The following CMIP variants were observed in gnomAD, a reference collection of about 807,000 sequenced individuals.
CMIP encodes the protein C-Maf-inducing protein.
Under a neutral mutation model 97.3 loss-of-function variants are expected in CMIP, and 13 were observed. The observed-to-expected ratio is 0.13, with a 90% confidence interval of 0.09 to 0.21. The LOEUF (loss-of-function observed/expected upper bound fraction) is 0.21, where lower values mean the gene tolerates loss of function less well. Ranked by LOEUF, CMIP falls within the 10% of genes least tolerant of loss-of-function variation. CMIP has a pLI of 1.00. For synonymous variants in CMIP, 538 were observed against 436.3 expected (o/e 1.23, Z -2.91); for missense variants, 847 against 1,024.9 (o/e 0.83, Z 2.37).
At position 81,489,407 on chromosome 16, in the gene CMIP, CT is replaced by C. The variant is rs1003353930; in HGVS notation, c.300+43872del. ...AAAGGAGTACCACAATACACTGGTA[CT>C]TTTTTCTCCTCGGTAGTCAGAGCGT... On this transcript the variant is annotated intron_variant, in intron 1 of 20. Coordinates refer to ENST00000537098, the MANE Select transcript of CMIP (RefSeq NM_198390.3). 1.9e-3 allele frequency among the ~76,000 whole-genome samples: 292 copies of C among 152,318 alleles called. 1 individual carries two copies. The highest frequency in any genetic ancestry group is 6.8e-3 in the African/African-American group (284 of 41,566).
chr16:81,513,558 C>T (rs548793515), intron 1 of CMIP, among the ~76,000 whole-genome samples: 23 of 152,280 alleles, frequency 1.5e-4, no homozygotes, highest in Middle Eastern at 3.4e-3. Context: ...GGGGCTGAGC[C>T]GGCGTGGAGC....
At chr16:81,561,611 A>G (rs1008413512) in intron 1 of CMIP, among the ~76,000 whole-genome samples, 1 of 152,154 alleles carries the variant, frequency 6.6e-6, no homozygotes, top group Non-Finnish European at 1.5e-5. Flanking sequence ...CTCGCAGACA[A>G]TTGCCCCGGC....
intron 10 of CMIP, among the ~76,000 whole-genome samples, chr16:81,682,486 A>T (rs1904967246): frequency 6.7e-6 from 1 of 149,586 alleles, no homozygotes; most frequent in African/African-American, 2.5e-5. Flanking sequence ...AATCACTTGA[A>T]CCCGGGAGGC....
chr16:81,617,043 C>T (rs1023750332), intron 2 of CMIP: 1 of 152,270 alleles, frequency 6.6e-6, no homozygotes, highest in Non-Finnish European at 1.5e-5. Flanking sequence ...GATGTGAGCT[C>T]GGGGCAGAGG....
At chr16:81,610,807 G>C (rs933630615) in intron 2 of CMIP, among the ~76,000 whole-genome samples, 4 of 152,158 alleles carry the variant, frequency 2.6e-5, no homozygotes, top group Admixed American at 2.0e-4. Flanking sequence ...TTGTATTCAC[G>C]TGCCTTTTGT....
At chr16:81,468,500 C>T (rs1907337746) in intron 1 of CMIP, among the ~76,000 whole-genome samples, 1 of 152,288 alleles carries the variant, frequency 6.6e-6, no homozygotes, top group African/African-American at 2.4e-5. Flanking sequence ...AGGCCTCTCG[C>T]AGGGGCCTGC....
At chr16:81,494,883 A>C (rs562571644) in intron 1 of CMIP, among the ~76,000 whole-genome samples, 1 of 152,310 alleles carries the variant, frequency 6.6e-6, no homozygotes, top group East Asian at 1.9e-4. Flanking sequence ...GTGCTTTCTC[A>C]TTCAGCCTGC....
At chr16:81,470,337 C>T (rs923810572) in intron 1 of CMIP, among the ~76,000 whole-genome samples, 3 of 152,242 alleles carry the variant, frequency 2.0e-5, no homozygotes, top group Admixed American at 1.3e-4. Flanking sequence ...CTTCTTTGCA[C>T]GTGCAGCCTG....
At chr16:81,502,628 T>C (rs2089634109) in intron 1 of CMIP, among the ~76,000 whole-genome samples, 1 of 152,190 alleles carries the variant, frequency 6.6e-6, no homozygotes, top group African/African-American at 2.4e-5. Flanking sequence ...GCCAGCAGGC[T>C]CTGGGAAATG....
Position 81,670,261 on chromosome 16 carries a change from G to A in CMIP, c.929+16G>A, listed in dbSNP as rs551853942. ...TCATTCAGAGGTGGGTCTCCGGCGCGACGTCCCTCTGTGGCCTAGGAGCCA... is the reference window on the plus strand; with the variant it reads ...TCATTCAGAGGTGGGTCTCCGGCGCAACGTCCCTCTGTGGCCTAGGAGCCA... On this transcript the variant is annotated intron_variant, in intron 8 of 20. Transcript: ENST00000537098. 12 of 1,596,914 alleles carry A rather than the reference G, an allele frequency of 7.5e-6. No individual in the cohort carries two copies. Among genetic ancestry groups the A allele is most frequent in the South Asian group, 5.7e-5 (5 of 87,926 alleles).
intron 1 of CMIP, among the ~76,000 whole-genome samples, chr16:81,586,510 C>T (rs2091384950): frequency 6.6e-6 from 1 of 152,130 alleles, no homozygotes; most frequent in Admixed American, 6.5e-5. Flanking sequence ...AGAATTAAAT[C>T]CCAGTAAGCC....
chr16:81,490,669 A>C (rs12443634), intron 1 of CMIP, among the ~76,000 whole-genome samples: 111,033 of 152,038 alleles, frequency 0.73, 40,748 homozygotes, highest in East Asian at 0.86. Context: ...GGCCCTGAAG[A>C]AGACAAGACC....
intron 1 of CMIP, among the ~76,000 whole-genome samples, chr16:81,510,423 A>G (rs535725006): frequency 6.6e-6 from 1 of 152,348 alleles, no homozygotes; most frequent in East Asian, 1.9e-4. Flanking sequence ...TCAGCTAAGC[A>G]CTTGGTTTGG....
intron 1 of CMIP, among the ~76,000 whole-genome samples, chr16:81,534,132 C>T (rs1045902318): frequency 6.6e-6 from 1 of 152,220 alleles, no homozygotes; most frequent in Non-Finnish European, 1.5e-5. Flanking sequence ...CAGCCTGTGG[C>T]CAGGCTGCGT....
At chr16:81,703,765 C>G in intron 17 of CMIP, 174 bp from the exon 18 acceptor site, 1 of 793,286 alleles carries the variant, frequency 1.3e-6, no homozygotes. Flanking sequence ...TCTCTGGCCA[C>G]CCCCTTGGCC....
intron 1 of CMIP, among the ~76,000 whole-genome samples, chr16:81,541,358 G>GT (rs1255527122): frequency 6.6e-6 from 1 of 152,182 alleles, no homozygotes; most frequent in Non-Finnish European, 1.5e-5. Flanking sequence ...TTGGAGATGT[G>GT]TTTTGGAGAT....
chr16:81,679,584 G>A (rs1035049810), intron 10 of CMIP, among the ~76,000 whole-genome samples: 4 of 151,886 alleles, frequency 2.6e-5, no homozygotes, highest in African/African-American at 9.7e-5. Context: ...CGTGTGCCTG[G>A]GTGTCTATGT....
intron 14 of CMIP, 60 bp from the exon 15 acceptor site, chr16:81,699,625 C>G: frequency 1.8e-6 from 2 of 1,123,014 alleles, no homozygotes. Flanking sequence ...TTCCTGCCAG[C>G]ACGCTGGAGG....
intron 1 of CMIP, among the ~76,000 whole-genome samples, chr16:81,446,291 G>A (rs1278779876): frequency 6.6e-6 from 1 of 152,068 alleles, no homozygotes; most frequent in Non-Finnish European, 1.5e-5. Flanking sequence ...GTTTAATTTT[G>A]TTATTGTTTT....
Sources: gnomAD v4.1 joint callset for allele counts (sites outside exome capture counted in the v4.1 genomes callset) on GRCh38, gnomAD v4.1.1 for gene constraint, MANE v1.5 for transcripts, NCBI Gene and HGNC (gene_info 2026-07-23, HGNC 2026-07-21) for gene names.